Variants in XYLT1 observed in about 807,000 individuals in gnomAD.
XYLT1 encodes the protein xylosyltransferase 1, also known as beta-D-xylosyltransferase 1.
In XYLT1, 36 loss-of-function variants were observed where a neutral mutation model predicts 91.3. The ratio of observed to expected loss-of-function variants is 0.39; its 90% CI spans 0.30 to 0.52. XYLT1 has a LOEUF of 0.52. XYLT1 is among the 20% of genes least tolerant of loss of function. XYLT1 has a pLI of 0.68. For missense variants in XYLT1, 1,242 were observed against 1,284.5 expected, an observed-to-expected ratio of 0.97 and a Z score of 0.51; for synonymous variants, 588 against 532.0, an observed-to-expected ratio of 1.11 and a Z score of -1.45.
intron 1 of XYLT1, among the ~76,000 whole-genome samples, chr16:17,416,522 G>T (rs1567195712): frequency 6.6e-6 from 1 of 152,232 alleles, no homozygotes; most frequent in Non-Finnish European, 1.5e-5. Flanking sequence ...GGACTGTGGG[G>T]TCCAGTGGGC....
At chr16:17,442,582 C>A (rs1014443536) in intron 1 of XYLT1, among the ~76,000 whole-genome samples, 18 of 152,124 alleles carry the variant, frequency 1.2e-4, no homozygotes, top group African/African-American at 4.1e-4. Context: ...CACAGGCTGC[C>A]TGGAGCATTT....
chr16:17,258,305 G>A (rs986180231), intron 3 of XYLT1, among the ~76,000 whole-genome samples: 1 of 149,212 alleles, frequency 6.7e-6, no homozygotes, highest in African/African-American at 2.5e-5. Context: ...GGAAAGGAGA[G>A]AGAAAGAAAA....
intron 2 of XYLT1, among the ~76,000 whole-genome samples, chr16:17,332,857 G>A (rs761529347): frequency 6.6e-6 from 1 of 151,996 alleles, no homozygotes; most frequent in Non-Finnish European, 1.5e-5. Context: ...CTGTCCGCAG[G>A]AGCTCCGAAT....
intron 3 of XYLT1, among the ~76,000 whole-genome samples, chr16:17,210,763 C>T (rs1268939016): frequency 1.3e-5 from 2 of 152,176 alleles, no homozygotes; most frequent in Non-Finnish European, 2.9e-5. Flanking sequence ...ATGCTGCTCA[C>T]ATCGAATGGC....
intron 1 of XYLT1, among the ~76,000 whole-genome samples, chr16:17,456,494 C>G (rs936540629): frequency 6.6e-6 from 1 of 151,926 alleles, no homozygotes; most frequent in Admixed American, 6.6e-5. Flanking sequence ...TGCTACCATG[C>G]CCAGCTGATT....
At chr16:17,329,941 G>T (rs968236696) in intron 2 of XYLT1, among the ~76,000 whole-genome samples, 2 of 152,140 alleles carry the variant, frequency 1.3e-5, no homozygotes, top group Admixed American at 6.5e-5. Context: ...AATGTTGAGC[G>T]TCTAACACCT....
At chr16:17,356,420 C>T (rs977577651) in intron 2 of XYLT1, among the ~76,000 whole-genome samples, 11 of 152,144 alleles carry the variant, frequency 7.2e-5, no homozygotes, top group Admixed American at 2.6e-4. Flanking sequence ...CCGGCCCTGG[C>T]GCCTGGTCAG....
intron 9 of XYLT1, among the ~76,000 whole-genome samples, chr16:17,134,081 T>TG (rs2030609553): frequency 1.3e-5 from 2 of 152,120 alleles, no homozygotes; most frequent in African/African-American, 4.8e-5. Flanking sequence ...CGGGGCTGGG[T>TG]GACGGGAACA....
intron 9 of XYLT1, among the ~76,000 whole-genome samples, chr16:17,130,145 G>A (rs1567285552): frequency 6.6e-6 from 1 of 152,236 alleles, no homozygotes; most frequent in Non-Finnish European, 1.5e-5. Flanking sequence ...CCTAGGCTCA[G>A]GCAACTATTC....
At chr16:17,109,948 C>T (rs186792098) in intron 11 of XYLT1, among the ~76,000 whole-genome samples, 71 of 152,230 alleles carry the variant, frequency 4.7e-4, no homozygotes, top group African/African-American at 1.6e-3. Flanking sequence ...AGCTTGGACC[C>T]GGGTGAGGTG....
At chr16:17,185,331 G>A (rs1230074827) in intron 5 of XYLT1, among the ~76,000 whole-genome samples, 1 of 152,244 alleles carries the variant, frequency 6.6e-6, no homozygotes, top group African/African-American at 2.4e-5. Context: ...CAGTCTCCTT[G>A]TGAACAACAG....
chr16:17,412,408 G>C (rs1019507642), intron 1 of XYLT1, among the ~76,000 whole-genome samples: 17 of 151,936 alleles, frequency 1.1e-4, no homozygotes, highest in Admixed American at 1.1e-3. Flanking sequence ...ACATACCAAG[G>C]ATTCCAGAAT....
intron 1 of XYLT1, among the ~76,000 whole-genome samples, chr16:17,391,115 A>C (rs1209890407): frequency 6.6e-6 from 1 of 152,210 alleles, no homozygotes; most frequent in East Asian, 1.9e-4. Context: ...ATTATTCCTG[A>C]GGTCACAAGA....
At chr16:17,139,599 C>T (rs1007208999) in intron 7 of XYLT1, among the ~76,000 whole-genome samples, 2 of 152,156 alleles carry the variant, frequency 1.3e-5, no homozygotes. Flanking sequence ...CACTAAATGA[C>T]AAGCCCATGA....
At chr16:17,141,122 CT>C (rs2030960831) in intron 7 of XYLT1, 30 bp downstream of exon 7, 1 of 1,606,880 alleles carries the variant, frequency 6.2e-7, no homozygotes, top group African/African-American at 1.3e-5. Context: ...AAGCCCCTAT[CT>C]TTCTTGGGAA....
chr16:17,300,587 G>A (rs2034381211), intron 2 of XYLT1, among the ~76,000 whole-genome samples: 1 of 148,388 alleles, frequency 6.7e-6, no homozygotes, highest in African/African-American at 2.5e-5. Flanking sequence ...CTCCCGAGTG[G>A]CTGGGGTTAC....
intron 2 of XYLT1, among the ~76,000 whole-genome samples, chr16:17,262,279 A>T (rs1006179230): frequency 5.3e-5 from 8 of 152,214 alleles, no homozygotes; most frequent in Non-Finnish European, 1.2e-4. Flanking sequence ...ATAATTTCCA[A>T]CGTAGGCACT....
chr16:17,289,255 G>A (rs1022508440), intron 2 of XYLT1, among the ~76,000 whole-genome samples: 7 of 152,144 alleles, frequency 4.6e-5, no homozygotes, highest in African/African-American at 1.7e-4. Flanking sequence ...ACAGGTGGAG[G>A]GCCAGATTTG....
At chr16:17,299,327 G>T (rs935254639) in intron 2 of XYLT1, among the ~76,000 whole-genome samples, 2 of 152,154 alleles carry the variant, frequency 1.3e-5, no homozygotes, top group Admixed American at 1.3e-4. Context: ...TGAAGAGGGG[G>T]TGGCAGTAAG....
Sources: gnomAD v4.1 joint callset for allele counts (sites outside exome capture counted in the v4.1 genomes callset) on GRCh38, gnomAD v4.1.1 for gene constraint, MANE v1.5 for transcripts, NCBI Gene and HGNC (gene_info 2026-07-23, HGNC 2026-07-21) for gene names.